Variants in WNT7B observed in about 807,000 individuals in gnomAD.
WNT7B encodes Wnt family member 7B.
WNT7B carries 19 observed loss-of-function variants against 38.2 expected under a neutral mutation model. The ratio of observed to expected loss-of-function variants is 0.50; its 90% CI spans 0.35 to 0.73. The LOEUF (loss-of-function observed/expected upper bound fraction) is 0.73. Ranked by LOEUF, WNT7B falls within the 30% of genes least tolerant of loss-of-function variation. The probability of loss-of-function intolerance (pLI) is 0.01; values close to 1 mark genes in which losing one functional copy is unlikely to be tolerated. For synonymous variants in WNT7B, 243 were observed against 209.3 expected (o/e 1.16, Z -1.39); for missense variants, 423 against 507.9 (o/e 0.83, Z 1.61).
At chr22:45,934,983 C>T (rs1435392834) in intron 2 of WNT7B, among the ~76,000 whole-genome samples, 1 of 152,166 alleles carries the variant, frequency 6.6e-6, no homozygotes, top group Non-Finnish European at 1.5e-5. Flanking sequence ...TCACAACAGC[C>T]CACGGGGGAG....
chr22:45,932,688 G>C (rs1397072118), intron 2 of WNT7B, among the ~76,000 whole-genome samples: 1 of 152,184 alleles, frequency 6.6e-6, no homozygotes, highest in African/African-American at 2.4e-5. Context: ...CCCAGCGCCT[G>C]GTCCATGTGG....
chr22:45,922,823 C>G lies in WNT7B; in HGVS notation c.*33G>C, dbSNP rs753011143. ...TGGATGTGCAAAATGCCGCCGGGTT[C>G]CAGGGTGCCCGCGGCCGCCTCCGGG... On this transcript the variant is annotated 3_prime_UTR_variant, in exon 4 of 4. Transcript: ENST00000339464. 1.3e-6 allele frequency: 2 copies of G among 1,568,588 alleles called. No individual in the cohort carries two copies. Among genetic ancestry groups the G allele is most frequent in the Non-Finnish European group, 1.7e-6 (2 of 1,154,014 alleles).
At chr22:45,953,407 G>C (rs1043734250) in intron 1 of WNT7B, among the ~76,000 whole-genome samples, 5 of 152,206 alleles carry the variant, frequency 3.3e-5, no homozygotes, top group African/African-American at 9.7e-5. Context: ...GCCCCTCCAG[G>C]ACAGTGTCAA....
chr22:45,951,720 A>G lies in WNT7B; in HGVS notation c.72-1574T>C, dbSNP rs541885225. 3.3e-5 allele frequency among the ~76,000 whole-genome samples: 5 copies of G among 152,094 alleles called. No individual in the cohort carries two copies. Among genetic ancestry groups the G allele is most frequent in the African/African-American group, 7.2e-5 (3 of 41,490 alleles). Reference sequence around the variant, plus strand: ...CCACGTGGTCACAGGTCAGTGCTTCATGCGTTTGTAAGGCTGAGTGATATT... The same window carrying G: ...CCACGTGGTCACAGGTCAGTGCTTCGTGCGTTTGTAAGGCTGAGTGATATT... On this transcript the variant is annotated intron_variant, in intron 1 of 3. Transcript: ENST00000339464. This position sits in a 1 kb window ranked among gnomAD's most constrained non-coding sequence, Gnocchi z 4.8.
At chr22:45,946,440 G>A (rs2146729045) in intron 2 of WNT7B, among the ~76,000 whole-genome samples, 1 of 152,290 alleles carries the variant, frequency 6.6e-6, no homozygotes, top group East Asian at 1.9e-4. Context: ...GACTTTCCTG[G>A]GATACGAGGT....
intron 1 of WNT7B, among the ~76,000 whole-genome samples, chr22:45,959,027 C>T (rs1932135244): frequency 6.6e-6 from 1 of 152,212 alleles, no homozygotes; most frequent in Non-Finnish European, 1.5e-5. Flanking sequence ...ATGGCAGAAC[C>T]CTGTCTTACT....
intron 2 of WNT7B, among the ~76,000 whole-genome samples, chr22:45,943,086 T>C (rs1259703619): frequency 6.6e-6 from 1 of 151,926 alleles, no homozygotes; most frequent in Non-Finnish European, 1.5e-5. Flanking sequence ...TGCACGTGTG[T>C]GCGTGTGTTT....
chr22:45,931,434 A>G, intron 2 of WNT7B, 65 bp from the exon 3 acceptor site: 1 of 1,489,098 alleles, frequency 6.7e-7, no homozygotes, highest in South Asian at 1.3e-5. Context: ...CTCAGGGGAC[A>G]GGGTGCCGGG....
rs1555907090 is a variant in WNT7B at position 45,928,634 on chromosome 22, T to TCGC, written c.570+2463_570+2464insGCG. ...AGCCGCCTTGTTTTCCCACCTCCTG[T>TCGC]CTCCATTTCCCTTCTGCCTTTCCAT... On this transcript the variant is annotated intron_variant, in intron 3 of 3. Transcript: ENST00000339464. Among the ~76,000 whole-genome samples the TCGC allele has an allele frequency of 1.3e-4, 19 of 151,928 alleles. No individual in the cohort carries two copies. The East Asian group carries it at 3.7e-3, about 29-fold the overall frequency.
At chr22:45,935,718 C>T (rs146075083) in intron 2 of WNT7B, 263 of 767,850 alleles carry the variant, frequency 3.4e-4, no homozygotes, top group Middle Eastern at 6.6e-4. Flanking sequence ...GCACCTCCCC[C>T]ACACCACCTT....
chr22:45,952,433 C>A (rs1428537766), intron 1 of WNT7B, among the ~76,000 whole-genome samples: 1 of 152,144 alleles, frequency 6.6e-6, no homozygotes, highest in East Asian at 1.9e-4. Flanking sequence ...AAGCCCCAGG[C>A]TGGCATGGAG....
chr22:45,943,681 A>G (rs1931725292), intron 2 of WNT7B, among the ~76,000 whole-genome samples: 1 of 152,140 alleles, frequency 6.6e-6, no homozygotes, highest in Non-Finnish European at 1.5e-5. Flanking sequence ...TGGGGGCAAC[A>G]TGGCCTTGGG....
chr22:45,928,220 G>A (rs1931154849), intron 3 of WNT7B, among the ~76,000 whole-genome samples: 1 of 152,166 alleles, frequency 6.6e-6, no homozygotes, highest in Non-Finnish European at 1.5e-5. Context: ...TGGGGGGCAG[G>A]GGCAGGCCTG....
At chr22:45,936,877 C>A (rs2069876503) in intron 2 of WNT7B, among the ~76,000 whole-genome samples, 1 of 152,252 alleles carries the variant, frequency 6.6e-6, no homozygotes, top group Non-Finnish European at 1.5e-5. Flanking sequence ...CCCCTCTTCT[C>A]CTCAGGGCAA....
At chr22:45,925,723 C>T (rs1931062341) in intron 3 of WNT7B, 2 of 985,396 alleles carry the variant, frequency 2.0e-6, no homozygotes, top group Admixed American at 6.1e-5. Flanking sequence ...CTCGGATGCT[C>T]CCCAGGCCAG....
chr22:45,952,612 G>T (rs759938101), intron 1 of WNT7B, among the ~76,000 whole-genome samples: 2 of 152,378 alleles, frequency 1.3e-5, no homozygotes, highest in South Asian at 2.1e-4. Flanking sequence ...CAGCCTGAGG[G>T]ACACTCTCCA....
rs1931839582 is a variant in WNT7B, at chr22:45,948,109, G to A, written c.298+1811C>T. Among the ~76,000 whole-genome samples, 3 of 152,356 alleles carry A rather than the reference G, an allele frequency of 2.0e-5. No homozygotes were observed. The South Asian group carries it at 6.2e-4, about 32-fold the overall frequency. Reference sequence around the variant, plus strand: ...CAGCAAGGATTAGCAGGAACAGCGAGGGACACCTGATCGACGCTCAGCTCC... The same window carrying A: ...CAGCAAGGATTAGCAGGAACAGCGAAGGACACCTGATCGACGCTCAGCTCC... On this transcript the variant is annotated intron_variant, in intron 2 of 3. Coordinates refer to ENST00000339464, the MANE Select transcript of WNT7B (RefSeq NM_058238.3).
chr22:45,953,810 A>C (rs1931995887), intron 1 of WNT7B, among the ~76,000 whole-genome samples: 1 of 152,130 alleles, frequency 6.6e-6, no homozygotes, highest in African/African-American at 2.4e-5. Flanking sequence ...TCACACATTG[A>C]CGATAGGAGC....
rs1569128568 is a variant in WNT7B, at chr22:45,976,464, T to G, written c.71+220A>C. On this transcript the variant is annotated intron_variant, in intron 1 of 3. Coordinates refer to ENST00000339464, the MANE Select transcript of WNT7B (RefSeq NM_058238.3). The surrounding 1 kb of genome is among the most constrained non-coding windows in gnomAD (Gnocchi z 8.5). ...GCCGGACCGCCCGCGCGCCCCGCTC[T>G]CTCTCCTCCCGCGCTGGGCTCGGCG... 6.6e-6 allele frequency among the ~76,000 whole-genome samples: 1 copy of G among 151,758 alleles called. No homozygotes were observed. Among genetic ancestry groups the G allele is most frequent in the Non-Finnish European group, 1.5e-5 (1 of 67,896 alleles).
Sources: gnomAD v4.1 joint callset for allele counts (sites outside exome capture counted in the v4.1 genomes callset) on GRCh38, gnomAD v4.1.1 for gene constraint, Gnocchi (gnomAD v3.1) non-coding constraint, MANE v1.5 for transcripts, NCBI Gene and HGNC (gene_info 2026-07-23, HGNC 2026-07-21) for gene names.